The following CD200R1L variants were observed in gnomAD, a reference collection of about 807,000 sequenced individuals.
CD200R1L encodes CD200 receptor 1 like.
In CD200R1L, 14 loss-of-function variants were observed where a neutral mutation model predicts 24.8. The observed-to-expected ratio is 0.56, with a 90% CI of 0.37 to 0.88. The LOEUF is 0.88. Ranked by LOEUF, CD200R1L falls within the 40% of genes least tolerant of loss-of-function variation. CD200R1L has a pLI of 0.00. For missense variants in CD200R1L, 299 were observed against 297.8 expected (o/e 1.00, Z -0.03); for synonymous variants, 111 against 109.2 (o/e 1.02, Z -0.11).
intron 6 of CD200R1L, among the ~76,000 whole-genome samples, chr3:112,826,147 TTA>T (rs10597421): frequency 0.31 from 47,605 of 151,756 alleles, 8,409 homozygotes; most frequent in Non-Finnish European, 0.4. Context: ...ATTAATATGA[TTA>T]TATTTAATAT....
intron 4 of CD200R1L, among the ~76,000 whole-genome samples, chr3:112,828,028 G>A (rs1323938836): frequency 6.6e-6 from 1 of 152,024 alleles, no homozygotes. Context: ...AACAACAAAG[G>A]CAATGTTCTA....
At chr3:112,842,525 G>A (rs1044056357) in intron 2 of CD200R1L, among the ~76,000 whole-genome samples, 1 of 152,156 alleles carries the variant, frequency 6.6e-6, no homozygotes, top group African/African-American at 2.4e-5. Flanking sequence ...TAATTTTTAG[G>A]GAACAAGGGA....
intron 4 of CD200R1L, among the ~76,000 whole-genome samples, chr3:112,827,995 AAAG>A (rs1938708752): frequency 6.6e-6 from 1 of 152,210 alleles, no homozygotes; most frequent in South Asian, 2.1e-4. Flanking sequence ...TAGAAACAGA[AAAG>A]AAAACAGAAT....
chr3:112,836,175 G>A (rs1938938653), intron 3 of CD200R1L, among the ~76,000 whole-genome samples: 2 of 152,314 alleles, frequency 1.3e-5, no homozygotes, highest in Non-Finnish European at 2.9e-5. Flanking sequence ...TGCGAGACTG[G>A]GGGTAGTGCG....
intron 6 of CD200R1L, among the ~76,000 whole-genome samples, chr3:112,822,056 G>A (rs1301930036): frequency 6.6e-6 from 1 of 152,202 alleles, no homozygotes; most frequent in Non-Finnish European, 1.5e-5. Flanking sequence ...ACTTGTATGT[G>A]TCAGCAACTG....
At chr3:112,836,887 A>T (rs556448138) in intron 3 of CD200R1L, among the ~76,000 whole-genome samples, 1 of 152,328 alleles carries the variant, frequency 6.6e-6, no homozygotes, top group East Asian at 1.9e-4. Context: ...TTGATATCTG[A>T]GTTATACTTG....
Position 112,845,811 on chromosome 3 carries a change from T to G in CD200R1L, c.-219A>C. The G allele has an allele frequency of 9.1e-7, 1 of 1,096,722 alleles. No individual in the cohort carries two copies. The highest frequency in any genetic ancestry group is 1.4e-6 in the Non-Finnish European group (1 of 723,282). 67.9% of individuals were successfully genotyped at this position (1,096,722 alleles called of 1,614,324 possible). ...TCAACAGACTTGGTGAATCTGTTTCTCTTGGTCACTTTTGCTTATTCTGTC... is the reference window on the plus strand; with the variant it reads ...TCAACAGACTTGGTGAATCTGTTTCGCTTGGTCACTTTTGCTTATTCTGTC... On this transcript the variant is annotated 5_prime_UTR_variant, in exon 2 of 8. Transcript: ENST00000488794.
intron 6 of CD200R1L, among the ~76,000 whole-genome samples, chr3:112,821,594 T>C (rs73223880): frequency 0.047 from 7,175 of 152,276 alleles, 193 homozygotes; most frequent in Non-Finnish European, 0.06. Context: ...ATTGAAGCCC[T>C]CAAAGTCATC....
intron 2 of CD200R1L, among the ~76,000 whole-genome samples, chr3:112,845,166 G>A (rs974151665): frequency 1.3e-5 from 2 of 152,026 alleles, no homozygotes; most frequent in African/African-American, 2.4e-5. Flanking sequence ...AAAAAAAGAG[G>A]AGGTTCAAAT....
chr3:112,846,004 C>G, intron 1 of CD200R1L, 54 bp from the exon 2 acceptor site: 1 of 373,774 alleles, frequency 2.7e-6, no homozygotes, highest in Non-Finnish European at 4.8e-6. Context: ...TCTCCCACAA[C>G]ATTGAAGTAG....
At chr3:112,829,787 T>C (rs1289876504) in intron 3 of CD200R1L, among the ~76,000 whole-genome samples, 1 of 152,060 alleles carries the variant, frequency 6.6e-6, no homozygotes, top group Non-Finnish European at 1.5e-5. Context: ...TCTCTGCACA[T>C]TTTTTTTCCT....
chr3:112,838,617 A>G (rs1411384606), intron 2 of CD200R1L, among the ~76,000 whole-genome samples: 1 of 152,152 alleles, frequency 6.6e-6, no homozygotes, highest in Non-Finnish European at 1.5e-5. Flanking sequence ...ATTTAAATTT[A>G]TTGTGATTTA....
intron 3 of CD200R1L, among the ~76,000 whole-genome samples, chr3:112,835,508 G>A (rs1433414469): frequency 1.3e-5 from 2 of 152,240 alleles, no homozygotes; most frequent in African/African-American, 4.8e-5. Context: ...GTCCATGGGT[G>A]CCCATAGGTG....
intron 2 of CD200R1L, chr3:112,841,192 C>T: frequency 2.5e-6 from 1 of 394,276 alleles, no homozygotes. Context: ...AGTGCTGTCT[C>T]ATGATAGAGT....
intron 6 of CD200R1L, among the ~76,000 whole-genome samples, chr3:112,823,508 A>G (rs2399432): frequency 0.65 from 98,093 of 152,078 alleles, 33,245 homozygotes; most frequent in Non-Finnish European, 0.76. Context: ...TAGGACACCT[A>G]GGTGGTGTCC....
chr3:112,834,503 T>A (rs985227486), intron 3 of CD200R1L, among the ~76,000 whole-genome samples: 2 of 152,174 alleles, frequency 1.3e-5, no homozygotes, highest in Non-Finnish European at 2.9e-5. Context: ...AGTATACCAG[T>A]AGGCACAAAA....
At chr3:112,824,227 A>G (rs555252325) in intron 6 of CD200R1L, among the ~76,000 whole-genome samples, 113 of 152,358 alleles carry the variant, frequency 7.4e-4, no homozygotes, top group African/African-American at 2.6e-3. Context: ...TCAACAAAAC[A>G]TCATGACTGG....
In CD200R1L at chr3:112,830,498, G is replaced by GTTT. The variant is rs11391916; in HGVS notation, c.-17-1117_-17-1115dup. Among the ~76,000 whole-genome samples the GTTT allele has an allele frequency of 5.6e-3, 575 of 102,004 alleles. 22 individuals are homozygous for GTTT. The highest frequency in any genetic ancestry group is 0.011 in the African/African-American group (277 of 25,706). 66.9% of individuals were successfully genotyped at this position (102,004 alleles called of 152,430 possible). On this transcript the variant is annotated intron_variant, in intron 3 of 7. Transcript: ENST00000488794. ...CCTACGTTATACTCTTGTCATTGCA[G>GTTT]TTTTTTTTTTTTTTTTTTTTGCATT...
At chr3:112,827,963 T>C (rs1265419695) in intron 4 of CD200R1L, among the ~76,000 whole-genome samples, 1 of 152,236 alleles carries the variant, frequency 6.6e-6, no homozygotes, top group African/African-American at 2.4e-5. Flanking sequence ...TATTCTGATT[T>C]TAGTTCAGGA....
Sources: gnomAD v4.1 joint callset for allele counts (sites outside exome capture counted in the v4.1 genomes callset) on GRCh38, gnomAD v4.1.1 for gene constraint, MANE v1.5 for transcripts, NCBI Gene and HGNC (gene_info 2026-07-23, HGNC 2026-07-21) for gene names.